The following SHTN1 variants were observed in gnomAD, a reference collection of about 807,000 sequenced individuals.
SHTN1 encodes shootin 1.
SHTN1 carries 42 observed loss-of-function variants against 83.1 expected under a neutral mutation model. The observed-to-expected ratio is 0.51, with a 90% CI of 0.39 to 0.65. The LOEUF (loss-of-function observed/expected upper bound fraction) is 0.65. SHTN1 is among the 30% of genes least tolerant of loss of function. SHTN1 has a pLI of 0.00. For synonymous variants in SHTN1, 224 were observed against 247.7 expected, an observed-to-expected ratio of 0.90 and a Z score of 0.90; for missense variants, 622 against 737.8, an observed-to-expected ratio of 0.84 and a Z score of 1.82.
At chr10:116,950,830 G>C (rs1849750704) in intron 6 of SHTN1, among the ~76,000 whole-genome samples, 1 of 152,140 alleles carries the variant, frequency 6.6e-6, no homozygotes, top group African/African-American at 2.4e-5. Flanking sequence ...CTCAGGCTGG[G>C]AAGTTGGCAG....
intron 3 of SHTN1, among the ~76,000 whole-genome samples, chr10:116,964,897 C>G (rs1872219): frequency 6.6e-6 from 1 of 152,036 alleles, no homozygotes; most frequent in Admixed American, 6.5e-5. Context: ...ACCCAGGAGG[C>G]GGAGGTTGCA....
chr10:116,903,897 T>C (rs536362831), intron 15 of SHTN1, among the ~76,000 whole-genome samples: 1 of 152,366 alleles, frequency 6.6e-6, no homozygotes, highest in South Asian at 2.1e-4. Flanking sequence ...TATTGCATCC[T>C]GTTTAAGCCA....
intron 1 of SHTN1, among the ~76,000 whole-genome samples, chr10:117,089,430 A>G (rs1017326094): frequency 6.6e-6 from 1 of 152,208 alleles, no homozygotes; most frequent in Admixed American, 6.5e-5. Context: ...CTTACAACAT[A>G]TAAAAAATTA....
intron 13 of SHTN1, among the ~76,000 whole-genome samples, chr10:116,912,509 A>C (rs1005942231): frequency 3.9e-5 from 6 of 152,230 alleles, no homozygotes; most frequent in African/African-American, 1.4e-4. Context: ...GTAGTATTTG[A>C]GTTAGGTGTC....
At chr10:116,934,281 G>A (rs1452880191) in intron 9 of SHTN1, among the ~76,000 whole-genome samples, 2 of 152,098 alleles carry the variant, frequency 1.3e-5, no homozygotes, top group Non-Finnish European at 2.9e-5. Flanking sequence ...TTCTCCTAGG[G>A]TTTTTATGGT....
At position 117,084,910 on chromosome 10, in the gene SHTN1, G is replaced by A. The variant is rs556921750; in HGVS notation, c.-188-36400C>T. On this transcript the variant is annotated intron_variant, in intron 1 of 17. Coordinates refer to the SHTN1 transcript ENST00000392901. ...CTGCTTCGGCTCGCGCACGGTGCGCGCCCCCACTGACCTGCGCCCACTGTC... is the reference window on the plus strand; with the variant it reads ...CTGCTTCGGCTCGCGCACGGTGCGCACCCCCACTGACCTGCGCCCACTGTC... Among the ~76,000 whole-genome samples, 401 of 152,046 alleles carry A rather than the reference G, an allele frequency of 2.6e-3. 2 individuals carry two copies. Among genetic ancestry groups the A allele is most frequent in the African/African-American group, 9.0e-3 (372 of 41,492 alleles).
chr10:116,928,281 A>G (rs1478903894), intron 10 of SHTN1, among the ~76,000 whole-genome samples: 1 of 152,210 alleles, frequency 6.6e-6, no homozygotes, highest in East Asian at 1.9e-4. Flanking sequence ...TTTAAAGATG[A>G]CATTTAGTAA....
chr10:116,911,701 C>T, intron 14 of SHTN1, 89 bp downstream of exon 14: 4 of 1,577,268 alleles, frequency 2.5e-6, no homozygotes, highest in East Asian at 2.2e-5. Flanking sequence ...GAATAAAACA[C>T]ACCACAAACA....
intron 2 of SHTN1, 62 bp downstream of exon 2, chr10:116,979,194 G>T: frequency 1.5e-6 from 2 of 1,341,222 alleles, no homozygotes; most frequent in Non-Finnish European, 1.1e-6. Context: ...ACTGAACAAT[G>T]CACTATGCCG....
intron 9 of SHTN1, among the ~76,000 whole-genome samples, chr10:116,931,866 A>G (rs535646454): frequency 6.6e-6 from 1 of 152,368 alleles, no homozygotes; most frequent in Admixed American, 6.5e-5. Context: ...AAAATGTATT[A>G]TAAGGAGCAT....
chr10:117,102,928 A>T (rs565593929), intron 1 of SHTN1, among the ~76,000 whole-genome samples: 1 of 152,286 alleles, frequency 6.6e-6, no homozygotes, highest in Non-Finnish European at 1.5e-5. Context: ...TAAAAGGCAA[A>T]GACACGAGTG....
At chr10:116,905,973 TTA>T (rs1267275477) in intron 15 of SHTN1, among the ~76,000 whole-genome samples, 1 of 152,174 alleles carries the variant, frequency 6.6e-6, no homozygotes, top group Non-Finnish European at 1.5e-5. Flanking sequence ...AGATGGTACA[TTA>T]TAGTCAGTGA....
chr10:117,086,769 T>C (rs1350949334), intron 1 of SHTN1, among the ~76,000 whole-genome samples: 1 of 152,126 alleles, frequency 6.6e-6, no homozygotes, highest in East Asian at 1.9e-4. Context: ...CCGAAAGAAT[T>C]GAAAACAGGG....
At chr10:116,950,007 A>G (rs898055694) in intron 6 of SHTN1, among the ~76,000 whole-genome samples, 9 of 152,244 alleles carry the variant, frequency 5.9e-5, no homozygotes, top group Non-Finnish European at 1.0e-4. Context: ...ATGTAAATAT[A>G]TGCACTGACA....
At chr10:116,983,033 GAGA>G (rs904040066) in intron 1 of SHTN1, among the ~76,000 whole-genome samples, 1 of 151,634 alleles carries the variant, frequency 6.6e-6, no homozygotes, top group African/African-American at 2.4e-5. Context: ...TTGAGAGCTC[GAGA>G]AGACTTCATC....
intron 1 of SHTN1, among the ~76,000 whole-genome samples, chr10:117,108,912 C>A (rs752201271): frequency 6.6e-6 from 1 of 152,116 alleles, no homozygotes; most frequent in Non-Finnish European, 1.5e-5. Context: ...ATTCTTTAAT[C>A]TGAGCCTCAT....
intron 1 of SHTN1, among the ~76,000 whole-genome samples, chr10:117,064,973 T>G (rs1852954154): frequency 6.6e-6 from 1 of 152,220 alleles, no homozygotes; most frequent in East Asian, 1.9e-4. Context: ...CTTGCTTCTT[T>G]TTGGTTCTGC....
chr10:116,994,405 C>T (rs996280955), intron 1 of SHTN1, among the ~76,000 whole-genome samples: 11 of 152,064 alleles, frequency 7.2e-5, no homozygotes, highest in African/African-American at 2.4e-4. Flanking sequence ...CTAAAGTATA[C>T]TGATATAAAA....
intron 3 of SHTN1, among the ~76,000 whole-genome samples, chr10:116,962,342 AT>A (rs987988017): frequency 7.9e-5 from 12 of 152,238 alleles, no homozygotes; most frequent in Non-Finnish European, 1.3e-4. Context: ...AAATCCTAAT[AT>A]TCCTGGCATT....
Sources: gnomAD v4.1 joint callset for allele counts (sites outside exome capture counted in the v4.1 genomes callset) on GRCh38, gnomAD v4.1.1 for gene constraint, MANE v1.5 for transcripts, NCBI Gene and HGNC (gene_info 2026-07-23, HGNC 2026-07-21) for gene names.